Variants in DNAJC24 observed in about 807,000 individuals in gnomAD.
DNAJC24 encodes the protein DnaJ heat shock protein family (Hsp40) member C24.
A neutral mutation model predicts 18.0 loss-of-function variants in DNAJC24; 17 were observed. That is an observed-to-expected ratio of 0.94 (90% CI 0.65 to 1.42). The LOEUF (loss-of-function observed/expected upper bound fraction) is 1.42, where lower values mean the gene tolerates loss of function less well. DNAJC24 is among the 40% of genes most tolerant of loss of function. The pLI is 0.00. For synonymous variants in DNAJC24, 55 were observed against 57.7 expected (o/e 0.95, Z 0.21); for missense variants, 158 against 175.6 (o/e 0.90, Z 0.57).
rs550107001 is a variant in DNAJC24, at chr11:31,400,044, G to C, written c.112-14767G>C. 5.7e-4 allele frequency among the ~76,000 whole-genome samples: 87 copies of C among 152,176 alleles called. No individual in the cohort carries two copies. In the South Asian group the frequency reaches 0.017, roughly 30 times the overall value. ...TTCTGTTCCTATGTTAGTTGGCTGA[G>C]AATGATGACTTCCAGCTTCATCCAT... On this transcript the variant is annotated intron_variant, in intron 2 of 4. Coordinates refer to ENST00000465995, the MANE Select transcript of DNAJC24 (RefSeq NM_181706.5).
intron 2 of DNAJC24, chr11:31,384,538 T>A (rs1184259909): frequency 6.6e-6 from 1 of 152,278 alleles, no homozygotes; most frequent in Non-Finnish European, 1.5e-5. Flanking sequence ...CTCTGTTCAT[T>A]TGGCCTCTCT....
rs118114352 is a variant in DNAJC24 at position 31,401,785 on chromosome 11, A to C, written c.112-13026A>C. Among the ~76,000 whole-genome samples the C allele has an allele frequency of 7.4e-3, 1,128 of 152,312 alleles. 8 individuals are homozygous for C. Among genetic ancestry groups the C allele is most frequent in the Non-Finnish European group, 0.013 (867 of 68,014 alleles). ...AGACCCAAGGGATGTATGTTTCTTC[A>C]TATTGTTCTGTCAGTGTGGCTGGCC... On this transcript the variant is annotated intron_variant, in intron 2 of 4. Coordinates refer to ENST00000465995, the MANE Select transcript of DNAJC24 (RefSeq NM_181706.5).
intron 2 of DNAJC24, among the ~76,000 whole-genome samples, chr11:31,389,206 A>G (rs1255635563): frequency 2.0e-5 from 3 of 152,164 alleles, no homozygotes; most frequent in East Asian, 3.8e-4. Context: ...CCAAAACGAA[A>G]TACTGGCTGA....
intron 3 of DNAJC24, chr11:31,415,794 C>T (rs1429306466): frequency 2.6e-5 from 4 of 152,182 alleles, no homozygotes; most frequent in Admixed American, 6.5e-5. Context: ...GTCTCGTAGT[C>T]GCTTATTGAA....
In DNAJC24 at chr11:31,376,483, A is replaced by C. The variant is rs1184832453; in HGVS notation, c.111+5624A>C. Among the ~76,000 whole-genome samples, 5 of 152,342 alleles carry C rather than the reference A, an allele frequency of 3.3e-5. No homozygotes were observed. The East Asian group carries it at 9.7e-4, about 29-fold the overall frequency. ...AGTATAGAGTAGTAAGTGTATAATT[A>C]GTAGCACGTGTATTGTACTTAGCAG... On this transcript the variant is annotated intron_variant, in intron 2 of 4. Coordinates refer to ENST00000465995, the MANE Select transcript of DNAJC24 (RefSeq NM_181706.5).
intron 2 of DNAJC24, among the ~76,000 whole-genome samples, chr11:31,385,837 G>A (rs1952424130): frequency 6.6e-6 from 1 of 152,124 alleles, no homozygotes. Flanking sequence ...TAAGGAAGGA[G>A]GCATGGAGTA....
chr11:31,415,776 T>C (rs759502888), intron 3 of DNAJC24: 2 of 152,238 alleles, frequency 1.3e-5, no homozygotes, highest in Non-Finnish European at 2.9e-5. Flanking sequence ...GATGTGTTGA[T>C]AAAAGCTGTC....
intron 4 of DNAJC24, among the ~76,000 whole-genome samples, chr11:31,429,233 A>G (rs1489291105): frequency 1.3e-5 from 2 of 152,058 alleles, no homozygotes; most frequent in African/African-American, 4.8e-5. Flanking sequence ...ATTAAAAAAA[A>G]AAAAAACACA....
chr11:31,374,042 C>T lies in DNAJC24; in HGVS notation c.111+3183C>T, dbSNP rs1184596212. 12 of 340,760 alleles carry T rather than the reference C, an allele frequency of 3.5e-5. 2 individuals are homozygous for T. In the Admixed American group the frequency reaches 3.6e-4, roughly 10 times the overall value. 21.1% of individuals were successfully genotyped at this position (340,760 alleles called of 1,614,324 possible). On this transcript the variant is annotated intron_variant, in intron 2 of 4. Coordinates refer to ENST00000465995, the MANE Select transcript of DNAJC24 (RefSeq NM_181706.5). The stretch of plus-strand genomic sequence containing the variant: ...ACACAATTATGTCATTTGCAGATAA[C>T]GAGAGTTTTAATTCTGTCTTACCAA...
chr11:31,410,233 T>C (rs1366088371), intron 2 of DNAJC24, among the ~76,000 whole-genome samples: 1 of 152,180 alleles, frequency 6.6e-6, no homozygotes, highest in Non-Finnish European at 1.5e-5. Flanking sequence ...TAATATCTCA[T>C]TGTGATTTTA....
At chr11:31,389,280 G>T (rs1322602295) in intron 2 of DNAJC24, among the ~76,000 whole-genome samples, 1 of 151,904 alleles carries the variant, frequency 6.6e-6, no homozygotes, top group Non-Finnish European at 1.5e-5. Flanking sequence ...CACCTATAGA[G>T]AAACACATAG....
Position 31,430,451 on chromosome 11 carries a change from G to T in DNAJC24, c.*50G>T. 1 of 1,521,016 alleles carries T rather than the reference G, an allele frequency of 6.6e-7. No homozygotes were observed. Among genetic ancestry groups the T allele is most frequent in the Middle Eastern group, 2.2e-4 (1 of 4,556 alleles). 94.2% of individuals were successfully genotyped at this position (1,521,016 alleles called of 1,614,324 possible). ...TAACTGTGGTATTGAGACATGATGAGAAGCCGTTGAGCTTTGTCCATTCAA... is the reference window on the plus strand; with the variant it reads ...TAACTGTGGTATTGAGACATGATGATAAGCCGTTGAGCTTTGTCCATTCAA... On this transcript the variant is annotated 3_prime_UTR_variant, in exon 5 of 5. Coordinates refer to ENST00000465995, the MANE Select transcript of DNAJC24 (RefSeq NM_181706.5).
chr11:31,422,513 TTA>T (rs1952816784), intron 3 of DNAJC24, among the ~76,000 whole-genome samples: 1 of 152,152 alleles, frequency 6.6e-6, no homozygotes, highest in South Asian at 2.1e-4. Context: ...CTAAATCAGT[TTA>T]TGTTTTCTCA....
chr11:31,395,991 A>T (rs1057112329), intron 2 of DNAJC24, among the ~76,000 whole-genome samples: 5 of 152,182 alleles, frequency 3.3e-5, no homozygotes, highest in Non-Finnish European at 7.3e-5. Context: ...GCTCTTCAAA[A>T]AATTCTTCAT....
At chr11:31,416,186 TTTCAAA>T (rs1952749977) in intron 3 of DNAJC24, 1 of 152,192 alleles carries the variant, frequency 6.6e-6, no homozygotes, top group African/African-American at 2.4e-5. Flanking sequence ...TACCTTTGCT[TTTCAAA>T]GCAAAGGTTA....
Position 31,370,756 on chromosome 11 carries a change from C to T in DNAJC24, c.8C>T (p.Ala3Val), listed in dbSNP as rs1203225587. The change falls in exon 2 of 5, where the codon GCG becomes GTG. Residue 3 changes from alanine (A) to valine (V), a missense_variant. By Grantham distance (64) the Ala-to-Val change is moderately conservative. Transcript: ENST00000465995. MM[A>V]VEQMPKKDWY... ...CCACTTCTGGTTCCATGGATGATGG[C>T]GGTTGAGCAGATGCCAAAAAAGGAT... The T allele has an allele frequency of 2.5e-6, 4 of 1,605,666 alleles. No homozygotes were observed. The highest frequency in any genetic ancestry group is 1.3e-5 in the African/African-American group (1 of 74,632).
At chr11:31,418,353 A>G (rs535044115) in intron 3 of DNAJC24, among the ~76,000 whole-genome samples, 1 of 152,200 alleles carries the variant, frequency 6.6e-6, no homozygotes, top group East Asian at 1.9e-4. Context: ...TGCCTTTATA[A>G]ATCTTGTGGG....
At chr11:31,426,538 T>C (rs1409267895) in intron 4 of DNAJC24, 183 bp downstream of exon 4, 33 of 485,268 alleles carry the variant, frequency 6.8e-5, no homozygotes, top group Non-Finnish European at 7.1e-6. Context: ...TATTGACTGA[T>C]GTCCCCCTAT....
At chr11:31,419,099 G>T (rs1326950792) in intron 3 of DNAJC24, among the ~76,000 whole-genome samples, 1 of 151,974 alleles carries the variant, frequency 6.6e-6, no homozygotes, top group African/African-American at 2.4e-5. Context: ...ATAACTTAAG[G>T]CCAGTAGATA....
Sources: gnomAD v4.1 joint callset for allele counts (sites outside exome capture counted in the v4.1 genomes callset) on GRCh38, gnomAD v4.1.1 for gene constraint, MANE v1.5 for transcripts, NCBI Gene and HGNC (gene_info 2026-07-23, HGNC 2026-07-21) for gene names.